HEATR5A: variants seen among roughly 807,000 people sequenced by gnomAD.
HEATR5A encodes HEAT repeat-containing protein 5A.
A neutral mutation model predicts 218.8 loss-of-function variants in HEATR5A; 178 were observed. That is an observed-to-expected ratio of 0.81 (90% CI 0.72 to 0.92). The LOEUF (loss-of-function observed/expected upper bound fraction) is 0.92. Among genes scored for constraint, HEATR5A ranks in the 40% least tolerant of loss-of-function variants. The probability of loss-of-function intolerance (pLI) is 0.00; values close to 1 mark genes in which losing one functional copy is unlikely to be tolerated. For missense variants in HEATR5A, 2,420 were observed against 2,418.9 expected, an observed-to-expected ratio of 1.00 and a Z score of -0.01; for synonymous variants, 864 against 871.6, an observed-to-expected ratio of 0.99 and a Z score of 0.15.
At chr14:31,380,638 T>G (rs2029940957) in intron 10 of HEATR5A, 60 bp from the exon 11 acceptor site, 3 of 1,016,426 alleles carry the variant, frequency 3.0e-6, no homozygotes, top group Admixed American at 4.4e-5. Flanking sequence ...TACTAAATGA[T>G]AGCAGCTAAC....
At chr14:31,316,691 A>G (rs1272000202) in intron 26 of HEATR5A, among the ~76,000 whole-genome samples, 1 of 152,150 alleles carries the variant, frequency 6.6e-6, no homozygotes, top group Non-Finnish European at 1.5e-5. Context: ...AGGTGCCATG[A>G]TATTTCTCTC....
intron 11 of HEATR5A, among the ~76,000 whole-genome samples, chr14:31,376,231 T>G (rs1260500100): frequency 6.6e-6 from 1 of 152,206 alleles, no homozygotes; most frequent in East Asian, 1.9e-4. Flanking sequence ...GAAGAGTGCT[T>G]AAAGCTGGGC....
chr14:31,301,547 CTTAT>C (rs1899374895), intron 33 of HEATR5A, among the ~76,000 whole-genome samples: 1 of 152,100 alleles, frequency 6.6e-6, no homozygotes, highest in Non-Finnish European at 1.5e-5. Flanking sequence ...ACATAATATC[CTTAT>C]TTATTACTCA....
At chr14:31,407,403 T>C (rs2139316085) in intron 1 of HEATR5A, among the ~76,000 whole-genome samples, 1 of 152,244 alleles carries the variant, frequency 6.6e-6, no homozygotes, top group Middle Eastern at 3.4e-3. Context: ...AAGTTAGGGA[T>C]TTTTACCTAC....
intron 33 of HEATR5A, among the ~76,000 whole-genome samples, chr14:31,301,744 C>T (rs915147416): frequency 5.3e-5 from 8 of 150,914 alleles, no homozygotes; most frequent in Admixed American, 1.3e-4. Context: ...CCGCCAGCTT[C>T]GGCTTCCCAA....
intron 19 of HEATR5A, 53 bp from the exon 20 acceptor site, chr14:31,345,329 T>A: frequency 7.6e-7 from 1 of 1,313,848 alleles, no homozygotes; most frequent in South Asian, 1.4e-5. Flanking sequence ...TTAAGAAACA[T>A]AAAATAAATT....
rs1471775888 is a variant in HEATR5A at position 31,412,206 on chromosome 14, ACTATCAATGT to A, written c.-75+8256_-75+8265del. Among the ~76,000 whole-genome samples the A allele has an allele frequency of 3.3e-5, 5 of 152,334 alleles. No homozygotes were observed. In the South Asian group the frequency reaches 8.3e-4, roughly 25 times the overall value. ...GGATATATAATTTCCACTATCAATG[ACTATCAATGT>A]CATACTTCTACTTAAAAGAGGGCAT... On this transcript the variant is annotated intron_variant, in intron 1 of 35. Coordinates refer to ENST00000543095, the MANE Select transcript of HEATR5A (RefSeq NM_015473.4).
intron 2 of HEATR5A, among the ~76,000 whole-genome samples, chr14:31,401,716 G>C (rs2030884844): frequency 6.6e-6 from 1 of 152,202 alleles, no homozygotes. Context: ...CAGCATCTGA[G>C]TTACTAATCC....
chr14:31,321,198 A>C (rs1900091418), intron 25 of HEATR5A, among the ~76,000 whole-genome samples: 1 of 151,286 alleles, frequency 6.6e-6, no homozygotes, highest in African/African-American at 2.4e-5. Flanking sequence ...TGGATCTGTC[A>C]CCTAGGCTGG....
intron 21 of HEATR5A, chr14:31,340,363 A>AC: frequency 1.6e-6 from 1 of 634,686 alleles, no homozygotes; most frequent in Non-Finnish European, 2.1e-6. Context: ...GATGCAGAGG[A>AC]AACAAACATC....
chr14:31,345,153 C>A lies in HEATR5A; in HGVS notation c.2992G>T (p.Glu998Ter), dbSNP rs773668638. The change falls in exon 20 of 36, where the codon GAA becomes TAA. Residue 998 changes from glutamate (E) to a stop codon, truncating the protein, a stop_gained. Transcript: ENST00000543095. LOFTEE classifies it high-confidence loss of function. ...LLLNVPPTHA[E>*]VHQSLGRCLN... Reference sequence around the variant, plus strand: ...CAGCGACCAAGGCTTTGGTGAACTTCAGCATGAGTAGGAGGCACATTTAAC... The same window carrying A: ...CAGCGACCAAGGCTTTGGTGAACTTAAGCATGAGTAGGAGGCACATTTAAC... 8.7e-6 allele frequency: 14 copies of A among 1,613,834 alleles called. No individual in the cohort carries two copies.
chr14:31,392,651 A>T (rs985675567), intron 6 of HEATR5A, among the ~76,000 whole-genome samples: 2 of 152,166 alleles, frequency 1.3e-5, no homozygotes, highest in Non-Finnish European at 2.9e-5. Context: ...CCAGCTGTCT[A>T]TCTGATATCT....
intron 14 of HEATR5A, among the ~76,000 whole-genome samples, chr14:31,360,086 T>C (rs1428015488): frequency 6.6e-6 from 1 of 151,828 alleles, no homozygotes; most frequent in African/African-American, 2.4e-5. Flanking sequence ...CAGGTACCCA[T>C]TCAGTATTCA....
intron 14 of HEATR5A, among the ~76,000 whole-genome samples, chr14:31,359,585 G>T (rs1371426723): frequency 6.6e-6 from 1 of 151,412 alleles, no homozygotes; most frequent in Non-Finnish European, 1.5e-5. Flanking sequence ...AAATTAGCCG[G>T]GCGTGGTGGC....
At chr14:31,419,299 T>C (rs2031561988) in intron 1 of HEATR5A, among the ~76,000 whole-genome samples, 1 of 151,920 alleles carries the variant, frequency 6.6e-6, no homozygotes, top group Admixed American at 6.6e-5. Flanking sequence ...AAAAAGTCAA[T>C]GGCATTAAAA....
intron 3 of HEATR5A, among the ~76,000 whole-genome samples, chr14:31,399,685 C>T (rs2030798027): frequency 1.3e-5 from 2 of 152,062 alleles, no homozygotes; most frequent in African/African-American, 2.4e-5. Context: ...CAAAAATTAG[C>T]TCGAAGTGGT....
chr14:31,295,792 AAAT>A, intron 34 of HEATR5A, 114 bp downstream of exon 34: 1 of 769,880 alleles, frequency 1.3e-6, no homozygotes, highest in South Asian at 2.0e-5. Flanking sequence ...TTAAATCTAA[AAAT>A]AAAAAAATTG....
At chr14:31,359,729 C>CAAAAAAAAAAA (rs376157768) in intron 14 of HEATR5A, among the ~76,000 whole-genome samples, 34 of 32,164 alleles carry the variant, frequency 1.1e-3, no homozygotes, top group Middle Eastern at 0.024. Flanking sequence ...CATCTCAAGA[C>CAAAAAAAAAAA]AAAAAAAAAA....
intron 10 of HEATR5A, among the ~76,000 whole-genome samples, chr14:31,380,893 A>T (rs188988611): frequency 9.6e-4 from 147 of 152,336 alleles, no homozygotes; most frequent in Middle Eastern, 3.4e-3. Context: ...GTTTTGAGCA[A>T]CTATCCTTTT....
Sources: allele counts gnomAD v4.1 joint callset (sites outside exome capture counted in the v4.1 genomes callset), GRCh38; gene constraint gnomAD v4.1.1; transcripts MANE v1.5; gene names NCBI Gene and HGNC (gene_info 2026-07-23, HGNC 2026-07-21).